Variants in DPF3 observed in about 807,000 individuals in gnomAD.
The protein encoded by DPF3 is zinc finger protein DPF3.
DPF3 carries 18 observed loss-of-function variants against 56.8 expected under a neutral mutation model. The ratio of observed to expected loss-of-function variants is 0.32; its 90% CI spans 0.22 to 0.47. DPF3 has a LOEUF of 0.47. Ranked by LOEUF, DPF3 falls within the 20% of genes least tolerant of loss-of-function variation. The pLI is 1.00. For synonymous variants in DPF3, 188 were observed against 180.2 expected (o/e 1.04, Z -0.35); for missense variants, 403 against 488.8 (o/e 0.82, Z 1.65).
At chr14:72,861,688 AAAAG>A (rs1326146951) in intron 1 of DPF3, among the ~76,000 whole-genome samples, 3 of 148,070 alleles carry the variant, frequency 2.0e-5, no homozygotes, top group Non-Finnish European at 3.0e-5. Flanking sequence ...AGAGAGAAAG[AAAAG>A]AAAGAAAGAG....
chr14:72,864,675 T>C (rs1402547861), intron 1 of DPF3, among the ~76,000 whole-genome samples: 1 of 122,982 alleles, frequency 8.1e-6, no homozygotes, highest in Non-Finnish European at 1.7e-5. Context: ...AATTAGCGGA[T>C]GGATGGATGG....
chr14:72,719,825 ATACAATTTGC>A (rs372705143), intron 5 of DPF3, among the ~76,000 whole-genome samples: 30 of 152,164 alleles, frequency 2.0e-4, no homozygotes, highest in African/African-American at 6.8e-4. Context: ...CAGGGTACTT[ATACAATTTGC>A]CCACCATCAC....
At chr14:72,878,676 T>C (rs1185453093) in intron 1 of DPF3, among the ~76,000 whole-genome samples, 2 of 152,220 alleles carry the variant, frequency 1.3e-5, no homozygotes, top group Non-Finnish European at 2.9e-5. Context: ...GAAGTTGATT[T>C]ATCAGTGGCT....
intron 5 of DPF3, among the ~76,000 whole-genome samples, chr14:72,719,826 T>C (rs937797748): frequency 6.6e-5 from 10 of 152,132 alleles, no homozygotes; most frequent in Non-Finnish European, 2.9e-5. Context: ...AGGGTACTTA[T>C]ACAATTTGCC....
intron 1 of DPF3, among the ~76,000 whole-genome samples, chr14:72,808,403 A>T (rs1882885499): frequency 6.6e-6 from 1 of 152,182 alleles, no homozygotes; most frequent in African/African-American, 2.4e-5. Flanking sequence ...TTCGAACTCA[A>T]ATAGTAAGAG....
At chr14:72,632,115 C>T (rs1885204304) in intron 8 of DPF3, among the ~76,000 whole-genome samples, 1 of 152,066 alleles carries the variant, frequency 6.6e-6, no homozygotes, top group African/African-American at 2.4e-5. Context: ...CATTTGCAGC[C>T]CTTATTTAAG....
intron 8 of DPF3, among the ~76,000 whole-genome samples, chr14:72,665,928 G>T (rs906420345): frequency 1.3e-5 from 2 of 152,186 alleles, no homozygotes; most frequent in Non-Finnish European, 2.9e-5. Flanking sequence ...AAAAGCCATA[G>T]TTATTGGTTG....
chr14:72,828,357 G>A (rs1165690299), intron 1 of DPF3, among the ~76,000 whole-genome samples: 1 of 151,930 alleles, frequency 6.6e-6, no homozygotes, highest in Non-Finnish European at 1.5e-5. Context: ...TCTTCTAGAG[G>A]AGAAGATTGA....
rs189807420 is a variant in DPF3 at position 72,653,657 on chromosome 14, G to A, written c.871+20583C>T. Among the ~76,000 whole-genome samples the A allele has an allele frequency of 1.7e-4, 26 of 152,276 alleles. 1 individual carries two copies. The highest frequency in any genetic ancestry group is 1.7e-3 in the Admixed American group (26 of 15,296). ...ATAAACCCTTTTCCAACTTGTCTAG[G>A]AGAACAATCATAGATTTTGATCCCA... On this transcript the variant is annotated intron_variant, in intron 8 of 10. Transcript: ENST00000556509.
chr14:72,631,608 C>A (rs921710502), intron 8 of DPF3, among the ~76,000 whole-genome samples: 3 of 152,004 alleles, frequency 2.0e-5, no homozygotes, highest in Non-Finnish European at 4.4e-5. Flanking sequence ...TGTGCCACAC[C>A]CCAGCCACAC....
intron 1 of DPF3, among the ~76,000 whole-genome samples, chr14:72,792,765 T>C (rs545024222): frequency 1.3e-5 from 2 of 152,202 alleles, no homozygotes; most frequent in South Asian, 4.2e-4. Flanking sequence ...CCACTTCCAA[T>C]GACCCAGTGT....
intron 8 of DPF3, among the ~76,000 whole-genome samples, chr14:72,658,627 T>A (rs1886121278): frequency 6.6e-6 from 1 of 152,210 alleles, no homozygotes; most frequent in Admixed American, 6.5e-5. Context: ...GGGGAATGTT[T>A]TCTGGTGGAG....
rs1366651168 is a variant in DPF3, at chr14:72,851,630, T to A, written c.32+42427A>T. On this transcript the variant is annotated intron_variant, in intron 1 of 10. Transcript: ENST00000556509. ...CTCCTACACGGATAAAGCTTTTTTT[T>A]AAAGACAGGAAAGAACAATTTACAA... is the stretch of plus-strand genomic sequence containing the variant. Among the ~76,000 whole-genome samples, 12 of 152,330 alleles carry A rather than the reference T, an allele frequency of 7.9e-5. No homozygotes were observed. The East Asian group carries it at 9.7e-4, about 12-fold the overall frequency.
rs1883887516 is a variant in DPF3 at position 72,613,526 on chromosome 14, A to G, written c.*5771T>C. On this transcript the variant is annotated 3_prime_UTR_variant, in exon 11 of 11. Transcript: ENST00000556509. Reference sequence around the variant, plus strand: ...TCCCTCTCTCAAGGCCACCTGCCCTATGACCTGAGGTTGGCACTGGAGCAG... The same window carrying G: ...TCCCTCTCTCAAGGCCACCTGCCCTGTGACCTGAGGTTGGCACTGGAGCAG... 6.6e-6 allele frequency among the ~76,000 whole-genome samples: 1 copy of G among 152,194 alleles called. No homozygotes were observed.
chr14:72,865,810 G>A (rs1241486587), intron 1 of DPF3, among the ~76,000 whole-genome samples: 1 of 152,210 alleles, frequency 6.6e-6, no homozygotes, highest in Non-Finnish European at 1.5e-5. Flanking sequence ...CCTTTGGGAG[G>A]CAGAGGCAGG....
chr14:72,849,313 G>A (rs947121355), intron 1 of DPF3, among the ~76,000 whole-genome samples: 2 of 152,298 alleles, frequency 1.3e-5, no homozygotes, highest in Non-Finnish European at 2.9e-5. Flanking sequence ...GTGAGGGGTT[G>A]CACACACCCA....
chr14:72,864,541 G>C (rs1488737491), intron 1 of DPF3, among the ~76,000 whole-genome samples: 4 of 152,182 alleles, frequency 2.6e-5, no homozygotes, highest in Admixed American at 2.6e-4. Context: ...TGTAACACTT[G>C]AGTGACTTGG....
chr14:72,731,703 C>T (rs1006129170), intron 4 of DPF3, 104 bp downstream of exon 4: 2 of 1,489,030 alleles, frequency 1.3e-6, no homozygotes, highest in South Asian at 1.3e-5. Flanking sequence ...GAGACTGAGC[C>T]CCGGCCCTTG....
At chr14:72,773,386 A>G (rs1304194126) in intron 1 of DPF3, among the ~76,000 whole-genome samples, 1 of 152,124 alleles carries the variant, frequency 6.6e-6, no homozygotes, top group Non-Finnish European at 1.5e-5. Context: ...CACCCGCCTC[A>G]GCCTCCCAAA....
Sources: gnomAD v4.1 joint callset for allele counts (sites outside exome capture counted in the v4.1 genomes callset) on GRCh38, gnomAD v4.1.1 for gene constraint, MANE v1.5 for transcripts, NCBI Gene and HGNC (gene_info 2026-07-23, HGNC 2026-07-21) for gene names.